PRR7: variants seen among roughly 807,000 people sequenced by gnomAD.
PRR7 encodes proline-rich protein 7.
A neutral mutation model predicts 18.5 loss-of-function variants in PRR7; 8 were observed. The ratio of observed to expected loss-of-function variants is 0.43; its 90% CI spans 0.25 to 0.78. The LOEUF (loss-of-function observed/expected upper bound fraction) is 0.78. Among genes scored for constraint, PRR7 ranks in the 30% least tolerant of loss-of-function variants. The pLI is 0.22. For missense variants in PRR7, 396 were observed against 403.1 expected, an observed-to-expected ratio of 0.98 and a Z score of 0.15; for synonymous variants, 221 against 187.7, an observed-to-expected ratio of 1.18 and a Z score of -1.45.
chr5:177,455,381 G>C lies in PRR7; in HGVS notation c.314G>C (p.Gly105Ala). Residue 105 changes from glycine (G) to alanine (A), a missense_variant, in exon 3 of 4, where the codon GGG (glycine) becomes GCG (alanine). Coordinates refer to ENST00000323249, the MANE Select transcript of PRR7 (RefSeq NM_030567.5). The surrounding 1 kb of genome is among the most constrained non-coding windows in gnomAD (Gnocchi z 6.9). Reference sequence around the variant, plus strand: ...CACGTGCACCCGCTGCTGCACCACGGGCCCGCGCAGCCGCACGCGCACGCG... The same window carrying C: ...CACGTGCACCCGCTGCTGCACCACGCGCCCGCGCAGCCGCACGCGCACGCG... ...HVHVHPLLHH[G>A]PAQPHAHAHP... is the part of the protein sequence containing the mutation. 6.7e-7 allele frequency: 1 copy of C among 1,493,214 alleles called. No homozygotes were observed. 92.5% of individuals were successfully genotyped at this position (1,493,214 alleles called of 1,614,324 possible).
At position 177,449,944 on chromosome 5, in the gene PRR7, TG is replaced by T. The variant is rs1756106741; in HGVS notation, c.-325+2987del. 6.6e-6 allele frequency among the ~76,000 whole-genome samples: 1 copy of T among 152,070 alleles called. No homozygotes were observed. The highest frequency in any genetic ancestry group is 1.5e-5 in the Non-Finnish European group (1 of 67,984). The stretch of plus-strand genomic sequence containing the variant: ...TGGCCTCAGTTCCTCTGTGTTGATG[TG>T]GGAAGGGTGTAAGGGTGTCACCAGT... On this transcript the variant is annotated intron_variant, in intron 1 of 3. Coordinates refer to ENST00000323249, the MANE Select transcript of PRR7 (RefSeq NM_030567.5). The surrounding 1 kb of genome is among the most constrained non-coding windows in gnomAD (Gnocchi z 4.2).
At chr5:177,452,976 C>T (rs1756228428) in intron 1 of PRR7, among the ~76,000 whole-genome samples, 1 of 152,180 alleles carries the variant, frequency 6.6e-6, no homozygotes, top group African/African-American at 2.4e-5. Context: ...GCTTGTCTGC[C>T]CAGTGCCCCC....
In PRR7 at chr5:177,451,769, C is replaced by G. The variant is rs335449; in HGVS notation, c.-324-2187C>G. Among the ~76,000 whole-genome samples the G allele has an allele frequency of 1.4e-4, 6 of 43,546 alleles. 1 individual carries two copies. Among genetic ancestry groups the G allele is most frequent in the African/African-American group, 2.8e-4 (5 of 18,072 alleles). 28.6% of individuals were successfully genotyped at this position (43,546 alleles called of 152,430 possible). A position where few individuals can be genotyped will look rare whatever the true frequency, so the allele number is the denominator to read the frequency against. On this transcript the variant is annotated intron_variant, in intron 1 of 3. Coordinates refer to ENST00000323249, the MANE Select transcript of PRR7 (RefSeq NM_030567.5). The stretch of plus-strand genomic sequence containing the variant: ...CCCTGTAGCCTGCTTCGGAGAGTGA[C>G]TGTGGTGCCCAGCCCTCAGGCAGGG...
intron 1 of PRR7, among the ~76,000 whole-genome samples, chr5:177,452,029 T>C (rs1190473186): frequency 1.3e-5 from 2 of 152,218 alleles, no homozygotes; most frequent in East Asian, 3.8e-4. Flanking sequence ...CCCCCTGCCG[T>C]GCTCCCAGTG....
chr5:177,455,543 C>A lies in PRR7; in HGVS notation c.427+49C>A, dbSNP rs775229987. 4.3e-5 allele frequency: 62 copies of A among 1,440,336 alleles called. No homozygotes were observed. Among genetic ancestry groups the A allele is most frequent in the Non-Finnish European group, 5.4e-5 (60 of 1,107,814 alleles). 89.2% of individuals were successfully genotyped at this position (1,440,336 alleles called of 1,614,324 possible). ...GGCGATCCGGGCCGCCGGAAGTGGG[C>A]GGGCGTTGGAGGGCTCGCTGCTTAC... is the stretch of plus-strand genomic sequence containing the variant. On this transcript the variant is annotated intron_variant, in intron 3 of 3. Coordinates refer to ENST00000323249, the MANE Select transcript of PRR7 (RefSeq NM_030567.5). The surrounding 1 kb of genome is among the most constrained non-coding windows in gnomAD (Gnocchi z 6.9).
chr5:177,456,105 G>A lies in PRR7; in HGVS notation c.809G>A (p.Arg270Lys). The A allele has an allele frequency of 6.5e-7, 1 of 1,533,798 alleles. No individual in the cohort carries two copies. ...CCGGTCTCCATCCCCTTGTTCGGGA[G>A]GACTACAGCCGTATAGAGGGGCGCC... Reference protein sequence around the residue: ...RLPVSIPLFGRTTAV With the variant: ...RLPVSIPLFGKTTAV The change falls in exon 4 of 4, where the codon AGG becomes AAG. Residue 270 changes from arginine (R) to lysine (K), a missense_variant. Coordinates refer to ENST00000323249, the MANE Select transcript of PRR7 (RefSeq NM_030567.5).
Position 177,455,670 on chromosome 5 carries a change from C to A in PRR7, c.428-54C>A. The A allele has an allele frequency of 3.4e-6, 5 of 1,476,130 alleles. No individual in the cohort carries two copies. The highest frequency in any genetic ancestry group is 4.5e-6 in the Non-Finnish European group (5 of 1,108,176). The allele number at this position is 1,476,130 out of a possible 1,614,324, so 91.4% of individuals were successfully genotyped here. On this transcript the variant is annotated intron_variant, in intron 3 of 3. Transcript: ENST00000323249. The surrounding 1 kb of genome is among the most constrained non-coding windows in gnomAD (Gnocchi z 6.9). ...GGGCGGCCCCTGGCCGGGGCCTCTG[C>A]GAGAGGCTGGGAACCGGCGGCCTCA...
chr5:177,456,147 A>T lies in PRR7; in HGVS notation c.*26A>T. 7.2e-7 allele frequency: 1 copy of T among 1,384,990 alleles called. No homozygotes were observed. The highest frequency in any genetic ancestry group is 1.5e-5 in the South Asian group (1 of 65,694). The allele number at this position is 1,384,990 out of a possible 1,614,324, so 85.8% of individuals were successfully genotyped here. A position where few individuals can be genotyped will look rare whatever the true frequency, so the allele number is the denominator to read the frequency against. ...AGGGGCGCCCGGCGCCCCGGGCCCCACCGGCGGACTCCTGGCCTGACTGCG... is the reference window on the plus strand; with the variant it reads ...AGGGGCGCCCGGCGCCCCGGGCCCCTCCGGCGGACTCCTGGCCTGACTGCG... On this transcript the variant is annotated 3_prime_UTR_variant, in exon 4 of 4. Coordinates refer to ENST00000323249, the MANE Select transcript of PRR7 (RefSeq NM_030567.5).
chr5:177,455,656 G>GC lies in PRR7; in HGVS notation c.428-68_428-67insC. On this transcript the variant is annotated intron_variant, in intron 3 of 3. Transcript: ENST00000323249. This position sits in a 1 kb window ranked among gnomAD's most constrained non-coding sequence, Gnocchi z 6.9. ...TAGGGCTGGGGCGCGGGCGGCCCCT[G>GC]GCCGGGGCCTCTGCGAGAGGCTGGG... The GC allele has an allele frequency of 1.4e-5, 20 of 1,450,306 alleles. No homozygotes were observed. Among genetic ancestry groups the GC allele is most frequent in the Non-Finnish European group, 1.7e-5 (19 of 1,098,248 alleles). 89.8% of individuals were successfully genotyped at this position (1,450,306 alleles called of 1,614,324 possible).
At chr5:177,447,177 C>G (rs1265497480) in intron 1 of PRR7, among the ~76,000 whole-genome samples, 2 of 152,158 alleles carry the variant, frequency 1.3e-5, no homozygotes, top group African/African-American at 4.8e-5. Flanking sequence ...GAGCCGCCAC[C>G]AGTTCGCTTG....
chr5:177,454,587 C>T lies in PRR7; in HGVS notation c.-239-242C>T, dbSNP rs1756304331. On this transcript the variant is annotated intron_variant, in intron 2 of 3. Transcript: ENST00000323249. The surrounding 1 kb of genome is among the most constrained non-coding windows in gnomAD (Gnocchi z 4.7). ...CCGTCCTTCGCGCGCCCCCTGCTGG[C>T]CCGCCTCGGCTCCCCTCGGCGCCCG... Among the ~76,000 whole-genome samples the T allele has an allele frequency of 6.6e-6, 1 of 152,112 alleles. No individual in the cohort carries two copies. The highest frequency in any genetic ancestry group is 6.5e-5 in the Admixed American group (1 of 15,278).
rs1756343494 is a variant in PRR7 at position 177,455,047 on chromosome 5, CCCGCCGCCCGTG to C, written c.-12_-1del. The C allele has an allele frequency of 6.9e-7, 1 of 1,447,712 alleles. No homozygotes were observed. The highest frequency in any genetic ancestry group is 9.1e-7 in the Non-Finnish European group (1 of 1,100,976). 89.7% of individuals were successfully genotyped at this position (1,447,712 alleles called of 1,614,324 possible). On this transcript the variant is annotated 5_prime_UTR_variant, in exon 3 of 4. Transcript: ENST00000323249. This position sits in a 1 kb window ranked among gnomAD's most constrained non-coding sequence, Gnocchi z 6.9. ...CAGTGTCCAGTGAAGCGTCTGAGGA[CCCGCCGCCCGTG>C]CCGCCGCCATGGTGATGTCCCAGGG...
chr5:177,447,121 G>A (rs1755928839), intron 1 of PRR7, among the ~76,000 whole-genome samples, 161 bp downstream of exon 1: 2 of 152,056 alleles, frequency 1.3e-5, no homozygotes, highest in Admixed American at 6.5e-5. Context: ...AGTCCACACC[G>A]GAGGGAGGGA....
chr5:177,455,543 C>T lies in PRR7; in HGVS notation c.427+49C>T. ...GGCGATCCGGGCCGCCGGAAGTGGG[C>T]GGGCGTTGGAGGGCTCGCTGCTTAC... On this transcript the variant is annotated intron_variant, in intron 3 of 3. Transcript: ENST00000323249. This position sits in a 1 kb window ranked among gnomAD's most constrained non-coding sequence, Gnocchi z 6.9. 1 of 1,440,448 alleles carries T rather than the reference C, an allele frequency of 6.9e-7. No individual in the cohort carries two copies. Among genetic ancestry groups the T allele is most frequent in the East Asian group, 2.7e-5 (1 of 36,568 alleles). 89.2% of individuals were successfully genotyped at this position (1,440,448 alleles called of 1,614,324 possible).
At position 177,455,436 on chromosome 5, in the gene PRR7, G is replaced by A. The variant is rs1048621497; in HGVS notation, c.369G>A (p.Pro123=). The change falls in exon 3 of 4, where the codon CCG becomes CCA. Residue 123 remains proline, a synonymous_variant. Transcript: ENST00000323249. This position sits in a 1 kb window ranked among gnomAD's most constrained non-coding sequence, Gnocchi z 6.9. ...CACACCCGCACCACCACGCGCTCCC[G>A]CACCCGCCGCCTACGCACCTGTCGG... ...AHPHPHHHAL[P]HPPPTHLSVP... 7 of 1,506,014 alleles carry A rather than the reference G, an allele frequency of 4.6e-6. No individual in the cohort carries two copies. Among genetic ancestry groups the A allele is most frequent in the Non-Finnish European group, 6.2e-6 (7 of 1,135,078 alleles). The allele number at this position is 1,506,014 out of a possible 1,614,324, so 93.3% of individuals were successfully genotyped here. A position where few individuals can be genotyped will look rare whatever the true frequency, so the allele number is the denominator to read the frequency against.
At position 177,456,182 on chromosome 5, in the gene PRR7, A is replaced by T. The variant is rs1581708914; in HGVS notation, c.*61A>T. ...TCCTGGCCTGACTGCGGGGCTTTTT[A>T]AATGCTTCCCTGGACTGCGGGGAGG... is the stretch of plus-strand genomic sequence containing the variant. On this transcript the variant is annotated 3_prime_UTR_variant, in exon 4 of 4. Transcript: ENST00000323249. The T allele has an allele frequency of 2.5e-6, 3 of 1,193,982 alleles. No homozygotes were observed. The East Asian group carries it at 1.1e-4, about 42-fold the overall frequency. 74.0% of individuals were successfully genotyped at this position (1,193,982 alleles called of 1,614,324 possible). A position where few individuals can be genotyped will look rare whatever the true frequency, so the allele number is the denominator to read the frequency against.
At chr5:177,448,500 G>A (rs1756019120) in intron 1 of PRR7, 1 of 152,260 alleles carries the variant, frequency 6.6e-6, no homozygotes, top group Non-Finnish European at 1.5e-5. Context: ...CCAGTAAGTG[G>A]CAGAGCTGAG....
In PRR7 at chr5:177,453,975, C is replaced by G. The variant is rs1756273942; in HGVS notation, c.-305C>G. On this transcript the variant is annotated 5_prime_UTR_variant, in exon 2 of 4. An upstream open reading frame in the 5' UTR gains an earlier in-frame stop. Transcript: ENST00000323249. Reference sequence around the variant, plus strand: ...TCTTAGGGTGCAAGGTTCCCCCTCTCACCCGCAGCTGTGGAGAGGAGGAAG... The same window carrying G: ...TCTTAGGGTGCAAGGTTCCCCCTCTGACCCGCAGCTGTGGAGAGGAGGAAG... 6.6e-6 allele frequency: 1 copy of G among 152,326 alleles called. No individual in the cohort carries two copies. 9.4% of individuals were successfully genotyped at this position (152,326 alleles called of 1,614,324 possible). A position where few individuals can be genotyped will look rare whatever the true frequency, so the allele number is the denominator to read the frequency against.
At chr5:177,453,692 A>T (rs1056237366) in intron 1 of PRR7, among the ~76,000 whole-genome samples, 1 of 151,234 alleles carries the variant, frequency 6.6e-6, no homozygotes, top group Non-Finnish European at 1.5e-5. Flanking sequence ...AGGCAGCGCT[A>T]CCCCCCACCC....
Sources: gnomAD v4.1 joint callset for allele counts (sites outside exome capture counted in the v4.1 genomes callset) on GRCh38, gnomAD v4.1.1 for gene constraint, Gnocchi (gnomAD v3.1) non-coding constraint, MANE v1.5 for transcripts, NCBI Gene and HGNC (gene_info 2026-07-23, HGNC 2026-07-21) for gene names.